SEC14L4: variants seen among roughly 807,000 people sequenced by gnomAD.
SEC14L4 encodes SEC14-like protein 4.
SEC14L4 carries 42 observed loss-of-function variants against 55.1 expected under a neutral mutation model. That is an observed-to-expected ratio of 0.76 (90% CI 0.60 to 0.99). The LOEUF (loss-of-function observed/expected upper bound fraction) is 0.99. Ranked by LOEUF, SEC14L4 falls within the 50% of genes least tolerant of loss-of-function variation. The pLI, the probability that SEC14L4 is intolerant of heterozygous loss-of-function variation, is 0.00. For missense variants in SEC14L4, 445 were observed against 512.1 expected (o/e 0.87, Z 1.27); for synonymous variants, 206 against 206.8 (o/e 1.00, Z 0.03).
chr22:30,491,937 G>A lies in SEC14L4; in HGVS notation c.808C>T (p.Leu270=). The A allele has an allele frequency of 6.2e-7, 1 of 1,614,030 alleles. No individual in the cohort carries two copies. Among genetic ancestry groups the A allele is most frequent in the Non-Finnish European group, 8.5e-7 (1 of 1,180,022 alleles). The change falls in exon 10 of 12, where the codon CTG becomes TTG. Residue 270 remains leucine, a synonymous_variant. Coordinates refer to ENST00000255858, the MANE Select transcript of SEC14L4 (RefSeq NM_174977.4). The stretch of plus-strand genomic sequence containing the variant: ...TACTGCAGCCTCACCTGCTCGCACA[G>A]GTAGTAGCTCTTGGGCACCTCACCC... ...YGGEVPKSYY[L]CEQVRLQYEH...
chr22:30,493,102 GAAAAGAA>G (rs1399149176), intron 7 of SEC14L4, among the ~76,000 whole-genome samples: 1 of 140,112 alleles, frequency 7.1e-6, no homozygotes, highest in Admixed American at 7.2e-5. Context: ...AAAAAAAAAA[GAAAAGAA>G]AAAAGAAAAA....
In SEC14L4 at chr22:30,495,429, T is replaced by G. The variant is rs1376893619; in HGVS notation, c.248A>C (p.Tyr83Ser). ...GTAGCCACAAAGACCACCCGAGTCA[T>G]ACAGCTGGATGACCTGGAAGTGTGG... ...TWQPPEVIQLYDSGGLCGYDY... is the reference protein window; with the variant it reads ...TWQPPEVIQLSDSGGLCGYDY... The change falls in exon 5 of 12, where the codon TAT becomes TCT. Residue 83 changes from tyrosine (Y) to serine (S), a missense_variant. By Grantham distance (144) the Tyr-to-Ser change is moderately radical. Coordinates refer to ENST00000255858, the MANE Select transcript of SEC14L4 (RefSeq NM_174977.4). 4.3e-6 allele frequency: 7 copies of G among 1,613,494 alleles called. No homozygotes were observed. The African/African-American group carries it at 5.3e-5, about 12-fold the overall frequency.
chr22:30,494,845 C>T, intron 6 of SEC14L4, 21 bp downstream of exon 6: 1 of 1,580,078 alleles, frequency 6.3e-7, no homozygotes, highest in Non-Finnish European at 8.7e-7. Flanking sequence ...ACACCAGCCC[C>T]AAGCCAGCCA....
chr22:30,495,458 A>C lies in SEC14L4; in HGVS notation c.235-16T>G. On this transcript the variant is annotated splice_polypyrimidine_tract_variant and intron_variant, in intron 4 of 11. Coordinates refer to ENST00000255858, the MANE Select transcript of SEC14L4 (RefSeq NM_174977.4). ...GCTGGATGACCTGGAAGTGTGGGTA[A>C]GGTCCCGACTCAATCCAGCTCACCA... The C allele has an allele frequency of 6.2e-7, 1 of 1,612,062 alleles. No individual in the cohort carries two copies. The highest frequency in any genetic ancestry group is 8.5e-7 in the Non-Finnish European group (1 of 1,178,752).
chr22:30,497,698 C>T (rs1249337296), intron 2 of SEC14L4, among the ~76,000 whole-genome samples: 1 of 152,148 alleles, frequency 6.6e-6, no homozygotes, highest in Non-Finnish European at 1.5e-5. Context: ...CAAACAAATA[C>T]ATGTTATCTC....
chr22:30,490,015 G>A lies in SEC14L4; in HGVS notation c.*92C>T, dbSNP rs1403427245. ...GACGTGGGACAAGTGGCTCTCTGCA[G>A]CCACCTCCAGCACCACCCTGCCTGG... On this transcript the variant is annotated 3_prime_UTR_variant, in exon 12 of 12. Coordinates refer to ENST00000255858, the MANE Select transcript of SEC14L4 (RefSeq NM_174977.4). 6.3e-7 allele frequency: 1 copy of A among 1,574,908 alleles called. No homozygotes were observed. The highest frequency in any genetic ancestry group is 2.3e-5 in the East Asian group (1 of 43,100).
intron 11 of SEC14L4, among the ~76,000 whole-genome samples, chr22:30,490,736 T>C (rs1935925138): frequency 6.6e-6 from 1 of 152,150 alleles, no homozygotes; most frequent in African/African-American, 2.4e-5. Context: ...GTCATCCTCA[T>C]TTTACAGAGG....
chr22:30,492,465 G>T lies in SEC14L4; in HGVS notation c.664+9C>A. The T allele has an allele frequency of 6.2e-7, 1 of 1,611,438 alleles. No individual in the cohort carries two copies. The highest frequency in any genetic ancestry group is 8.5e-7 in the Non-Finnish European group (1 of 1,177,596). Reference sequence around the variant, plus strand: ...CAGATGGACACAACCAGGGGGCCACGTCGCTCACCTCCCAGAATCACAATC... The same window carrying T: ...CAGATGGACACAACCAGGGGGCCACTTCGCTCACCTCCCAGAATCACAATC... On this transcript the variant is annotated intron_variant, in intron 8 of 11. Coordinates refer to ENST00000255858, the MANE Select transcript of SEC14L4 (RefSeq NM_174977.4).
At chr22:30,493,097 A>G (rs889717866) in intron 7 of SEC14L4, among the ~76,000 whole-genome samples, 23 of 151,856 alleles carry the variant, frequency 1.5e-4, no homozygotes, top group Admixed American at 7.9e-4. Flanking sequence ...AAAAAAAAAA[A>G]AAAAGAAAAG....
intron 2 of SEC14L4, among the ~76,000 whole-genome samples, chr22:30,502,558 A>G (rs1356140009): frequency 1.3e-5 from 2 of 152,022 alleles, no homozygotes; most frequent in Non-Finnish European, 2.9e-5. Flanking sequence ...AGTGTCTGTT[A>G]TTATTATTTT....
intron 2 of SEC14L4, among the ~76,000 whole-genome samples, chr22:30,497,479 C>T (rs1268252779): frequency 3.3e-5 from 5 of 151,442 alleles, no homozygotes; most frequent in African/African-American, 2.4e-5. Context: ...AAGCCAAGAT[C>T]GCACTACTGC....
At chr22:30,490,594 C>T (rs1323087149) in intron 11 of SEC14L4, among the ~76,000 whole-genome samples, 1 of 152,216 alleles carries the variant, frequency 6.6e-6, no homozygotes, top group Admixed American at 6.5e-5. Flanking sequence ...GGCCCACGGA[C>T]ACAGTATGCT....
At chr22:30,496,108 G>GTTGT (rs771257938) in intron 2 of SEC14L4, 137 bp from the exon 3 acceptor site, 3 of 665,858 alleles carry the variant, frequency 4.5e-6, no homozygotes, top group Admixed American at 5.5e-5. Context: ...TCTAGAAATG[G>GTTGT]TTGTTTGTTT....
rs748091226 is a variant in SEC14L4, at chr22:30,495,336, G to A, written c.341C>T (p.Ser114Leu). The change falls in exon 5 of 12, where the codon TCA becomes TTA. Residue 114 changes from serine (S) to leucine (L), a missense_variant. Transcript: ENST00000255858. ...GSLDPKGLLL[S>L]ASKQDMIRKR... is the part of the protein sequence containing the mutation. The stretch of plus-strand genomic sequence containing the variant: ...CCGGATCATATCCTGCTTGGAGGCT[G>A]ACAGCAGGAGACCCTTGGGGTCGAG... 6.8e-6 allele frequency: 11 copies of A among 1,614,014 alleles called. No homozygotes were observed. The South Asian group carries it at 1.2e-4, about 18-fold the overall frequency.
intron 2 of SEC14L4, among the ~76,000 whole-genome samples, chr22:30,500,534 T>G (rs887046339): frequency 1.3e-5 from 2 of 151,766 alleles, no homozygotes; most frequent in Non-Finnish European, 2.9e-5. Context: ...ACCCGGCTTA[T>G]TTTTGAATTT....
intron 3 of SEC14L4, 119 bp from the exon 4 acceptor site, chr22:30,495,761 G>A (rs1284832466): frequency 6.2e-7 from 1 of 1,605,456 alleles, no homozygotes; most frequent in Non-Finnish European, 8.5e-7. Context: ...CAGAGCGTGG[G>A]GACAGGAGGT....
In SEC14L4 at chr22:30,495,983, G is replaced by A. The variant is rs1437947512; in HGVS notation, c.131-12C>T. The stretch of plus-strand genomic sequence containing the variant: ...GTCAAAGTTTCGAGCTGCAAGAAGA[G>A]GAGGTAAATAGAAGCTCAAGGCTAG... On this transcript the variant is annotated splice_polypyrimidine_tract_variant and intron_variant, in intron 2 of 11. Coordinates refer to ENST00000255858, the MANE Select transcript of SEC14L4 (RefSeq NM_174977.4). The A allele has an allele frequency of 6.4e-7, 1 of 1,552,416 alleles. No homozygotes were observed. Among genetic ancestry groups the A allele is most frequent in the South Asian group, 1.2e-5 (1 of 85,554 alleles).
chr22:30,502,028 A>G (rs1974528), intron 2 of SEC14L4, among the ~76,000 whole-genome samples: 34,499 of 151,174 alleles, frequency 0.23, 4,051 homozygotes, highest in East Asian at 0.27. Context: ...CACCACACCC[A>G]GCTAATTTTT....
chr22:30,502,589 C>T (rs1568949950), intron 2 of SEC14L4, among the ~76,000 whole-genome samples: 3 of 152,270 alleles, frequency 2.0e-5, no homozygotes, highest in East Asian at 3.9e-4. Flanking sequence ...TTCACTCTGT[C>T]GCCTAGGCTG....
Sources: allele counts gnomAD v4.1 joint callset (sites outside exome capture counted in the v4.1 genomes callset), GRCh38; gene constraint gnomAD v4.1.1; transcripts MANE v1.5; gene names NCBI Gene and HGNC (gene_info 2026-07-23, HGNC 2026-07-21).